The following GARRE1 variants were observed in gnomAD, a reference collection of about 807,000 sequenced individuals.
GARRE1 encodes the protein granule associated Rac and RHOG effector 1, also known as granule associated Rac and RHOG effector protein 1.
In GARRE1, 49 loss-of-function variants were observed where a neutral mutation model predicts 103.2. The observed-to-expected ratio is 0.47, with a 90% CI of 0.38 to 0.60. GARRE1 has a LOEUF of 0.60. GARRE1 is among the 20% of genes least tolerant of loss of function. GARRE1 has a pLI of 0.00. For missense variants in GARRE1, 1,199 were observed against 1,370.5 expected, an observed-to-expected ratio of 0.87 and a Z score of 1.98; for synonymous variants, 505 against 532.8, an observed-to-expected ratio of 0.95 and a Z score of 0.72.
At chr19:34,278,444 C>CAA (rs71165640) in intron 1 of GARRE1, among the ~76,000 whole-genome samples, 102 of 57,020 alleles carry the variant, frequency 1.8e-3, no homozygotes, top group East Asian at 2.5e-3. Context: ...GACTCCATCT[C>CAA]AAAAAAAAAA....
In GARRE1 at chr19:34,354,132, T is replaced by C. The variant is rs993511521; in HGVS notation, c.*1177T>C. On this transcript the variant is annotated 3_prime_UTR_variant, in exon 14 of 14. Transcript: ENST00000299505. ...CAGAAAGTTCTTTATATAAAACTTA[T>C]TTAAATTTTTCATATTTCATCTTTG... 4 of 152,614 alleles carry C rather than the reference T, an allele frequency of 2.6e-5. No individual in the cohort carries two copies. Among genetic ancestry groups the C allele is most frequent in the East Asian group, 1.9e-4 (1 of 5,206 alleles). The allele number at this position is 152,614 out of a possible 1,614,324, so 9.5% of individuals were successfully genotyped here.
chr19:34,328,040 C>T lies in GARRE1; in HGVS notation c.993C>T (p.Pro331=), dbSNP rs1352434964. 5 of 1,614,056 alleles carry T rather than the reference C, an allele frequency of 3.1e-6. No homozygotes were observed. The highest frequency in any genetic ancestry group is 2.2e-5 in the East Asian group (1 of 44,888). The change falls in exon 6 of 14, where the codon CCC becomes CCT. Residue 331 remains proline (P), a synonymous_variant. Coordinates refer to ENST00000299505, the MANE Select transcript of GARRE1 (RefSeq NM_014686.5). Reference sequence around the variant, plus strand: ...AGCAGACGGGGCGGAGGCAGACACCCCCGCAGCCCATGCAGTGTGAGCTCC... The same window carrying T: ...AGCAGACGGGGCGGAGGCAGACACCTCCGCAGCCCATGCAGTGTGAGCTCC... ...EAQQTGRRQT[P]PQPMQCELPT... is the part of the protein sequence containing the mutation.
intron 2 of GARRE1, among the ~76,000 whole-genome samples, chr19:34,315,733 G>A (rs60341092): frequency 0.023 from 2,062 of 91,604 alleles, 20 homozygotes; most frequent in South Asian, 0.04. Flanking sequence ...AAAAAAAAAA[G>A]GGTAGTTTTT....
intron 1 of GARRE1, among the ~76,000 whole-genome samples, chr19:34,286,019 C>G (rs2073883924): frequency 6.6e-6 from 1 of 152,102 alleles, no homozygotes; most frequent in African/African-American, 2.4e-5. Context: ...ATCTGTGTAA[C>G]CAGCCCCTTG....
chr19:34,303,325 G>A (rs919599355), intron 2 of GARRE1, among the ~76,000 whole-genome samples: 1 of 152,160 alleles, frequency 6.6e-6, no homozygotes, highest in African/African-American at 2.4e-5. Context: ...ACCCCATCCT[G>A]GGGTTAAGAT....
chr19:34,290,680 G>T (rs34905265), intron 1 of GARRE1, among the ~76,000 whole-genome samples: 66,553 of 151,512 alleles, frequency 0.44, 17,786 homozygotes, highest in Non-Finnish European at 0.6. Flanking sequence ...GTAGAGGTGG[G>T]GTCTTTCTGT....
intron 1 of GARRE1, among the ~76,000 whole-genome samples, chr19:34,257,160 C>CT (rs71165639): frequency 0.089 from 13,339 of 149,878 alleles, 971 homozygotes; most frequent in African/African-American, 0.2. Flanking sequence ...TTTAAGCATC[C>CT]TTTTTTTTTT....
At position 34,316,251 on chromosome 19, in the gene GARRE1, A is replaced by T. The variant is rs1211898838; in HGVS notation, c.496-3656A>T. Among the ~76,000 whole-genome samples, 3 of 152,128 alleles carry T rather than the reference A, an allele frequency of 2.0e-5. No individual in the cohort carries two copies. In the East Asian group the frequency reaches 5.8e-4, roughly 29 times the overall value. ...GTGCTTGGTATTTAAACACTCAATA[A>T]ATGGTAGCTGTTGATAGAGCTTCAC... On this transcript the variant is annotated intron_variant, in intron 2 of 13. Transcript: ENST00000299505.
intron 12 of GARRE1, among the ~76,000 whole-genome samples, chr19:34,350,589 T>G (rs761831549): frequency 6.6e-6 from 1 of 152,152 alleles, no homozygotes; most frequent in Non-Finnish European, 1.5e-5. Context: ...TCTCTCTTTT[T>G]TTGTTTTTTT....
chr19:34,269,472 A>T (rs1246431670), intron 1 of GARRE1, among the ~76,000 whole-genome samples: 1 of 152,356 alleles, frequency 6.6e-6, no homozygotes, highest in Non-Finnish European at 1.5e-5. Flanking sequence ...TTCATAGCTC[A>T]GTATAGGATA....
At chr19:34,257,161 T>C (rs11667294) in intron 1 of GARRE1, among the ~76,000 whole-genome samples, 3 of 8,316 alleles carry the variant, frequency 3.6e-4, no homozygotes, top group South Asian at 3.9e-3. Context: ...TTAAGCATCC[T>C]TTTTTTTTTT....
chr19:34,309,089 C>A (rs56048241), intron 2 of GARRE1, among the ~76,000 whole-genome samples: 330 of 143,730 alleles, frequency 2.3e-3, no homozygotes, highest in Non-Finnish European at 4.3e-3. Flanking sequence ...AAAAAAAAAA[C>A]AAACCCTGAA....
chr19:34,319,849 T>G, intron 2 of GARRE1, 58 bp from the exon 3 acceptor site: 2 of 1,471,522 alleles, frequency 1.4e-6, no homozygotes, highest in East Asian at 4.6e-5. Flanking sequence ...GAAAATTTAC[T>G]GCGCGAATCC....
chr19:34,304,782 T>C (rs917067018), intron 2 of GARRE1, among the ~76,000 whole-genome samples: 1 of 151,588 alleles, frequency 6.6e-6, no homozygotes, highest in Non-Finnish European at 1.5e-5. Context: ...TTTTTATTTT[T>C]ATTTTTTATT....
chr19:34,322,157 A>G (rs2074092313), intron 3 of GARRE1, among the ~76,000 whole-genome samples: 1 of 152,154 alleles, frequency 6.6e-6, no homozygotes, highest in Admixed American at 6.6e-5. Context: ...TTTTAAGGAG[A>G]CTTTGCCTAT....
chr19:34,281,640 G>A (rs1054751972), intron 1 of GARRE1, among the ~76,000 whole-genome samples: 2 of 152,238 alleles, frequency 1.3e-5, no homozygotes, highest in East Asian at 3.9e-4. Context: ...GCCCAGGCTG[G>A]TCTTGAACTC....
rs2074220486 is a variant in GARRE1, at chr19:34,348,019, C to G, written c.2664C>G (p.Pro888=). 6.7e-7 allele frequency: 1 copy of G among 1,500,666 alleles called. No individual in the cohort carries two copies. Among genetic ancestry groups the G allele is most frequent in the Non-Finnish European group, 9.0e-7 (1 of 1,115,598 alleles). 93.0% of individuals were successfully genotyped at this position (1,500,666 alleles called of 1,614,324 possible). ...PPMDDAHRTW[P]FPEFFTEGDG... ...TGGATGACGCGCATCGGACCTGGCC[C>G]TTCCCCGAGTTCTTCACAGAAGGGT... Residue 888 remains proline, a synonymous_variant, in exon 11 of 14, where the codon CCC becomes CCG. Transcript: ENST00000299505.
At chr19:34,273,809 T>G (rs1454175306) in intron 1 of GARRE1, among the ~76,000 whole-genome samples, 1 of 152,184 alleles carries the variant, frequency 6.6e-6, no homozygotes, top group Admixed American at 6.5e-5. Context: ...AAGAGAGCTT[T>G]CCAGACAGTA....
At chr19:34,294,408 G>T (rs762085333) in intron 1 of GARRE1, among the ~76,000 whole-genome samples, 5 of 151,426 alleles carry the variant, frequency 3.3e-5, no homozygotes, top group Non-Finnish European at 7.4e-5. Flanking sequence ...GGGTGACAGA[G>T]AGAGACCCCA....
Sources: allele counts gnomAD v4.1 joint callset (sites outside exome capture counted in the v4.1 genomes callset), GRCh38; gene constraint gnomAD v4.1.1; transcripts MANE v1.5; gene names NCBI Gene and HGNC (gene_info 2026-07-23, HGNC 2026-07-21).